Variants in TRAPPC3L observed in about 807,000 individuals in gnomAD.
The protein encoded by TRAPPC3L is trafficking protein particle complex subunit 3-like protein.
In TRAPPC3L, 23 loss-of-function variants were observed where a neutral mutation model predicts 23.7. That is an observed-to-expected ratio of 0.97 (90% CI 0.70 to 1.37). The LOEUF (loss-of-function observed/expected upper bound fraction) is 1.37, where lower values mean the gene tolerates loss of function less well. TRAPPC3L is among the 40% of genes most tolerant of loss of function. TRAPPC3L has a pLI of 0.00. For synonymous variants in TRAPPC3L, 81 were observed against 77.9 expected (o/e 1.04, Z -0.21); for missense variants, 212 against 216.8 (o/e 0.98, Z 0.14).
At chr6:116,525,135 A>C (rs1434052338) in intron 3 of TRAPPC3L, among the ~76,000 whole-genome samples, 1 of 152,154 alleles carries the variant, frequency 6.6e-6, no homozygotes, top group East Asian at 1.9e-4. Context: ...TAACTTTTCA[A>C]AGTATGTTCC....
chr6:116,506,422 T>C (rs572427845), intron 3 of TRAPPC3L, among the ~76,000 whole-genome samples: 1 of 152,328 alleles, frequency 6.6e-6, no homozygotes, highest in African/African-American at 2.4e-5. Flanking sequence ...GGTGGGAGTG[T>C]AAATTAGTTC....
rs1771832899 is a variant in TRAPPC3L, at chr6:116,496,324, A to G, written c.*630T>C. The G allele has an allele frequency of 6.6e-6, 1 of 152,222 alleles. No individual in the cohort carries two copies. Among genetic ancestry groups the G allele is most frequent in the East Asian group, 1.9e-4 (1 of 5,204 alleles). 9.4% of individuals were successfully genotyped at this position (152,222 alleles called of 1,614,324 possible). A position where few individuals can be genotyped will look rare whatever the true frequency, so the allele number is the denominator to read the frequency against. On this transcript the variant is annotated 3_prime_UTR_variant, in exon 5 of 5. Coordinates refer to ENST00000368602, the MANE Select transcript of TRAPPC3L (RefSeq NM_001139444.3). ...AAAAGGAAGGAATTTGGTTGATGCC[A>G]GCTATATTAAAACTAAATAAATTAA...
chr6:116,512,630 AAC>A (rs1404406856), intron 3 of TRAPPC3L, among the ~76,000 whole-genome samples: 1 of 152,220 alleles, frequency 6.6e-6, no homozygotes, highest in African/African-American at 2.4e-5. Flanking sequence ...TGTTTTCTCA[AAC>A]ACACACATGT....
chr6:116,495,528 A>G lies in TRAPPC3L; in HGVS notation c.*1426T>C, dbSNP rs1771821747. 6.6e-6 allele frequency: 1 copy of G among 152,160 alleles called. No homozygotes were observed. Among genetic ancestry groups the G allele is most frequent in the South Asian group, 2.1e-4 (1 of 4,830 alleles). 9.4% of individuals were successfully genotyped at this position (152,160 alleles called of 1,614,324 possible). On this transcript the variant is annotated 3_prime_UTR_variant, in exon 5 of 5. Coordinates refer to ENST00000368602, the MANE Select transcript of TRAPPC3L (RefSeq NM_001139444.3). ...CTGATTTCCTTTATTTTGGGTATAT[A>G]TCCAGCAGTGGGATTGCTGGATCAT...
chr6:116,523,458 A>ATCTCTCTACTAAT (rs1282163066), intron 3 of TRAPPC3L: 1 of 152,160 alleles, frequency 6.6e-6, no homozygotes, highest in East Asian at 1.9e-4. Context: ...TATTAATTTT[A>ATCTCTCTACTAAT]TCTCTCTACT....
chr6:116,533,974 C>G (rs1346630991), intron 3 of TRAPPC3L, among the ~76,000 whole-genome samples: 2 of 152,184 alleles, frequency 1.3e-5, no homozygotes, highest in African/African-American at 2.4e-5. Context: ...AACACAGCAG[C>G]CTTCTCCACT....
chr6:116,541,160 AT>A (rs1478744874), intron 2 of TRAPPC3L, among the ~76,000 whole-genome samples: 7 of 152,122 alleles, frequency 4.6e-5, no homozygotes, highest in Non-Finnish European at 7.4e-5. Flanking sequence ...AGATGTGATT[AT>A]ACACACACTG....
rs963496067 is a variant in TRAPPC3L, at chr6:116,495,449, C to T, written c.*1505G>A. ...CACTTAGATTTCTTCCAAATCTTAG[C>T]TATCGTCAGTAGTTCTGCAGTAAAC... On this transcript the variant is annotated 3_prime_UTR_variant, in exon 5 of 5. Coordinates refer to ENST00000368602, the MANE Select transcript of TRAPPC3L (RefSeq NM_001139444.3). 4.0e-5 allele frequency: 6 copies of T among 151,426 alleles called. No homozygotes were observed. The highest frequency in any genetic ancestry group is 7.4e-5 in the Non-Finnish European group (5 of 68,026). The allele number at this position is 151,426 out of a possible 1,614,324, so 9.4% of individuals were successfully genotyped here. A position where few individuals can be genotyped will look rare whatever the true frequency, so the allele number is the denominator to read the frequency against.
At chr6:116,527,301 A>G (rs1384295292) in intron 3 of TRAPPC3L, among the ~76,000 whole-genome samples, 1 of 152,054 alleles carries the variant, frequency 6.6e-6, no homozygotes. Flanking sequence ...ACGAATCACG[A>G]GGTCAGGAGA....
intron 3 of TRAPPC3L, among the ~76,000 whole-genome samples, chr6:116,508,205 C>T (rs889147389): frequency 6.6e-6 from 1 of 152,126 alleles, no homozygotes; most frequent in South Asian, 2.1e-4. Flanking sequence ...TTGAGCACTG[C>T]CAGTCTGGCA....
At chr6:116,532,056 C>A (rs1772760948) in intron 3 of TRAPPC3L, among the ~76,000 whole-genome samples, 1 of 152,054 alleles carries the variant, frequency 6.6e-6, no homozygotes, top group Admixed American at 6.6e-5. Flanking sequence ...TGTGAACAAC[C>A]AGGTACTTTT....
intron 3 of TRAPPC3L, among the ~76,000 whole-genome samples, chr6:116,510,752 T>C (rs1284330280): frequency 6.6e-6 from 1 of 151,846 alleles, no homozygotes; most frequent in Non-Finnish European, 1.5e-5. Context: ...TGCAAAGATA[T>C]GAAACCAATC....
At chr6:116,543,859 G>A (rs1235524731) in intron 1 of TRAPPC3L, 2 of 1,533,728 alleles carry the variant, frequency 1.3e-6, no homozygotes, top group Non-Finnish European at 1.7e-6. Context: ...AAACCCAAAT[G>A]TAGCAGCAAA....
At chr6:116,508,777 G>A (rs1343891814) in intron 3 of TRAPPC3L, among the ~76,000 whole-genome samples, 2 of 152,066 alleles carry the variant, frequency 1.3e-5, no homozygotes, top group Non-Finnish European at 2.9e-5. Context: ...GAACAAGACA[G>A]GGATGCCTAC....
chr6:116,543,898 A>G, intron 1 of TRAPPC3L: 1 of 1,495,164 alleles, frequency 6.7e-7, no homozygotes. Context: ...TTTTACTTAG[A>G]GAAAAAAGGG....
intron 3 of TRAPPC3L, chr6:116,511,800 C>T (rs1484310688): frequency 6.2e-7 from 1 of 1,614,064 alleles, no homozygotes; most frequent in South Asian, 1.1e-5. Context: ...CGTCTCTTTT[C>T]TGTTGTGGCT....
intron 3 of TRAPPC3L, among the ~76,000 whole-genome samples, chr6:116,504,517 C>T (rs1430817814): frequency 6.6e-6 from 1 of 152,216 alleles, no homozygotes; most frequent in Non-Finnish European, 1.5e-5. Context: ...AGGGAATCCT[C>T]CCTAACTCAT....
At chr6:116,542,330 T>C (rs1383174037) in intron 2 of TRAPPC3L, among the ~76,000 whole-genome samples, 1 of 151,884 alleles carries the variant, frequency 6.6e-6, no homozygotes, top group Non-Finnish European at 1.5e-5. Context: ...AAATAAATTA[T>C]AATTTTTTTA....
intron 3 of TRAPPC3L, among the ~76,000 whole-genome samples, chr6:116,506,887 AG>A (rs1429188785): frequency 2.0e-5 from 3 of 152,156 alleles, no homozygotes; most frequent in Non-Finnish European, 4.4e-5. Flanking sequence ...GGGGAGGGAT[AG>A]CTTTAGGAGA....
Sources: gnomAD v4.1 joint callset for allele counts (sites outside exome capture counted in the v4.1 genomes callset) on GRCh38, gnomAD v4.1.1 for gene constraint, MANE v1.5 for transcripts, NCBI Gene and HGNC (gene_info 2026-07-23, HGNC 2026-07-21) for gene names.